TOP1MT: variants seen among roughly 807,000 people sequenced by gnomAD.
TOP1MT encodes the protein DNA topoisomerase I mitochondrial.
TOP1MT carries 80 observed loss-of-function variants against 73.9 expected under a neutral mutation model. That is an observed-to-expected ratio of 1.08 (90% confidence interval 0.90 to 1.30). TOP1MT has a LOEUF of 1.30. Ranked by LOEUF, TOP1MT falls within the 50% of genes most tolerant of loss-of-function variation. TOP1MT has a pLI of 0.00. For missense variants in TOP1MT, 815 were observed against 808.0 expected, an observed-to-expected ratio of 1.01 and a Z score of -0.10; for synonymous variants, 338 against 326.4, an observed-to-expected ratio of 1.04 and a Z score of -0.38.
upstream of TOP1MT, among the ~76,000 whole-genome samples, chr8:143,345,289 G>C (rs1167188019): frequency 6.6e-6 from 1 of 152,242 alleles, no homozygotes; most frequent in Non-Finnish European, 1.5e-5. Context: ...TGGCAGCCGA[G>C]GTCACCCCCA....
At chr8:143,313,019 G>A (rs960535174) in intron 12 of TOP1MT, among the ~76,000 whole-genome samples, 1 of 152,068 alleles carries the variant, frequency 6.6e-6, no homozygotes, top group South Asian at 2.1e-4. Context: ...TTGAGACTAT[G>A]GTGAGCTAGG....
chr8:143,342,604 C>T (rs1435200512), intron 2 of TOP1MT, among the ~76,000 whole-genome samples: 2 of 65,992 alleles, frequency 3.0e-5, no homozygotes, highest in Non-Finnish European at 5.3e-5. Flanking sequence ...GACAGAGTCT[C>T]GCTGTTATTA....
intron 2 of TOP1MT, among the ~76,000 whole-genome samples, chr8:143,330,942 G>A (rs184206754): frequency 7.2e-6 from 1 of 138,276 alleles, no homozygotes; most frequent in African/African-American, 2.6e-5. Flanking sequence ...GGTGCGGGGG[G>A]AGGGAGGGGG....
At chr8:143,322,369 C>T (rs1300771414) in intron 7 of TOP1MT, among the ~76,000 whole-genome samples, 1 of 92,154 alleles carries the variant, frequency 1.1e-5, no homozygotes, top group African/African-American at 3.7e-5. Flanking sequence ...GCCACACACA[C>T]AGGCACGCCA....
intron 3 of TOP1MT, among the ~76,000 whole-genome samples, chr8:143,326,578 G>A (rs932677574): frequency 3.9e-5 from 6 of 152,218 alleles, no homozygotes; most frequent in African/African-American, 1.4e-4. Flanking sequence ...GGGCAGCGGA[G>A]GGCACAGTTC....
chr8:143,342,421 T>C (rs1275130793), intron 2 of TOP1MT, among the ~76,000 whole-genome samples: 2 of 134,842 alleles, frequency 1.5e-5, no homozygotes, highest in African/African-American at 3.2e-5. Flanking sequence ...AGAGACAGAG[T>C]CTCGCTCTGT....
chr8:143,338,378 A>C (rs553805301), upstream of TOP1MT, among the ~76,000 whole-genome samples: 3 of 152,052 alleles, frequency 2.0e-5, no homozygotes, highest in East Asian at 5.8e-4. Context: ...GACCAGCCTG[A>C]CCAACATGGA....
At chr8:143,328,159 T>C (rs1816755358) in intron 3 of TOP1MT, 2 of 433,360 alleles carry the variant, frequency 4.6e-6, no homozygotes, top group Admixed American at 2.8e-5. Flanking sequence ...ATATTTCTGA[T>C]AATGGACTTA....
At chr8:143,332,930 G>A (rs1424407137) in intron 1 of TOP1MT, among the ~76,000 whole-genome samples, 2 of 152,212 alleles carry the variant, frequency 1.3e-5, no homozygotes, top group Non-Finnish European at 2.9e-5. Flanking sequence ...TGACTCTGCA[G>A]AGCTTTTCCA....
chr8:143,342,462 G>A (rs1281170862), intron 2 of TOP1MT, among the ~76,000 whole-genome samples: 2 of 119,554 alleles, frequency 1.7e-5, no homozygotes, highest in East Asian at 2.4e-4. Flanking sequence ...ACAGAGTCTC[G>A]CTCTGTTATT....
At chr8:143,339,654 C>T (rs1469788354), upstream of TOP1MT, among the ~76,000 whole-genome samples, 1 of 152,156 alleles carries the variant, frequency 6.6e-6, no homozygotes, top group Non-Finnish European at 1.5e-5. Context: ...CTACAGTGGG[C>T]AGGCAAAGGC....
At chr8:143,328,579 C>A (rs10283197) in intron 3 of TOP1MT, among the ~76,000 whole-genome samples, 5 of 152,120 alleles carry the variant, frequency 3.3e-5, no homozygotes, top group Admixed American at 6.5e-5. Context: ...AAGCTGGACA[C>A]ACGTGACCCA....
Position 143,309,494 on chromosome 8 carries a change from G to T in TOP1MT, c.1753C>A (p.Arg585=). Residue 585 remains arginine, a synonymous_variant, in exon 14 of 14, where the codon CGG becomes AGG. Transcript: ENST00000329245. ...GCGAGAGCCCAGGCGAACCTCTCCC[G>T]CTGTGTTTTGCTGTAGATCTTCTCC... ...PVEKIYSKTQ[R]ERFAWALAMA... 1 of 1,613,886 alleles carries T rather than the reference G, an allele frequency of 6.2e-7. No homozygotes were observed. The highest frequency in any genetic ancestry group is 2.2e-5 in the East Asian group (1 of 44,890).
chr8:143,309,744 C>T (rs1346633935), intron 13 of TOP1MT: 1 of 1,533,062 alleles, frequency 6.5e-7, no homozygotes, highest in Middle Eastern at 1.8e-4. Flanking sequence ...CAAAGACAAC[C>T]TGCTGTGGCC....
intron 13 of TOP1MT, 22 bp downstream of exon 13, chr8:143,310,046 C>T: frequency 1.2e-6 from 2 of 1,608,900 alleles, no homozygotes; most frequent in Non-Finnish European, 1.7e-6. Context: ...CAGGTGGGAA[C>T]TGAGACCCCA....
intron 1 of TOP1MT, chr8:143,331,771 C>G (rs1253948900): frequency 6.4e-6 from 1 of 156,636 alleles, no homozygotes; most frequent in East Asian, 1.9e-4. Flanking sequence ...GCCCTGCCTC[C>G]GAGGAGCTGG....
intron 2 of TOP1MT, among the ~76,000 whole-genome samples, chr8:143,340,927 A>G (rs1385457494): frequency 6.6e-6 from 1 of 151,972 alleles, no homozygotes; most frequent in African/African-American, 2.4e-5. Flanking sequence ...CTTTCTGCTC[A>G]GTGTGGCCCT....
chr8:143,355,171 G>A (rs1372806040), intron 1 of TOP1MT: 4 of 152,208 alleles, frequency 2.6e-5, no homozygotes, highest in Admixed American at 6.5e-5. Context: ...CTCACCAGAG[G>A]GCAGGTACCG....
chr8:143,321,675 A>G (rs200437080), intron 7 of TOP1MT, among the ~76,000 whole-genome samples: 31,888 of 74,644 alleles, frequency 0.43, 9,856 homozygotes, highest in East Asian at 0.74. Flanking sequence ...CGCACGCCAC[A>G]CACGCACGCC....
Sources: allele counts gnomAD v4.1 joint callset (sites outside exome capture counted in the v4.1 genomes callset), GRCh38; gene constraint gnomAD v4.1.1; transcripts MANE v1.5; gene names NCBI Gene and HGNC (gene_info 2026-07-23, HGNC 2026-07-21).